Variants in TMEM244 observed in about 807,000 individuals in gnomAD.
TMEM244 encodes the protein transmembrane protein 244, also known as putative transmembrane protein 244.
In TMEM244, 13 loss-of-function variants were observed where a neutral mutation model predicts 15.8. The ratio of observed to expected loss-of-function variants is 0.82; its 90% CI spans 0.53 to 1.30. TMEM244 has a LOEUF of 1.30. Ranked by LOEUF, TMEM244 falls within the 50% of genes most tolerant of loss-of-function variation. TMEM244 has a pLI of 0.00. For synonymous variants in TMEM244, 45 were observed against 48.7 expected (o/e 0.92, Z 0.32); for missense variants, 161 against 144.9 (o/e 1.11, Z -0.57).
At chr6:129,845,148 C>T (rs1434338430) in intron 2 of TMEM244, among the ~76,000 whole-genome samples, 1 of 152,112 alleles carries the variant, frequency 6.6e-6, no homozygotes, top group East Asian at 1.9e-4. Flanking sequence ...TTCCATTTGA[C>T]AAATGAAGGC....
At position 129,831,371 on chromosome 6, in the gene TMEM244, G is replaced by C. The variant is rs1212672325; in HGVS notation, c.335C>G (p.Pro112Arg). 1 of 1,581,320 alleles carries C rather than the reference G, an allele frequency of 6.3e-7. No individual in the cohort carries two copies. ...AGCAGCCCACCAATGTGATGTCAAG[G>C]GGAATTCCAACATAACTGCAATAGA... ...AITSTVMLEF[P>R]LTSHWWAALG... Residue 112 changes from proline to arginine, a missense_variant, in exon 5 of 5, where the codon CCC becomes CGC. Pro to Arg is a moderately radical substitution (Grantham distance 103, BLOSUM62 -2). Coordinates refer to ENST00000368143, the MANE Select transcript of TMEM244 (RefSeq NM_001010876.2).
chr6:129,845,726 G>A (rs17475221), intron 2 of TMEM244, 41 bp downstream of exon 2: 9 of 1,405,010 alleles, frequency 6.4e-6, no homozygotes, highest in Non-Finnish European at 8.0e-6. Flanking sequence ...CCTATTCAAT[G>A]TTAGCTTTTT....
chr6:129,853,153 A>G lies in TMEM244; in HGVS notation c.34-7301T>C, dbSNP rs185170348. Among the ~76,000 whole-genome samples the G allele has an allele frequency of 2.6e-5, 4 of 152,346 alleles. No individual in the cohort carries two copies. In the East Asian group the frequency reaches 7.7e-4, roughly 29 times the overall value. ...CATCTCACAATATATTATCTTGTGT[A>G]TATAAGATCACCCGTGGGTCCTGTT... On this transcript the variant is annotated intron_variant, in intron 1 of 4. Transcript: ENST00000368143.
At chr6:129,856,074 ATTAT>A (rs1376078522) in intron 1 of TMEM244, among the ~76,000 whole-genome samples, 1 of 151,860 alleles carries the variant, frequency 6.6e-6, no homozygotes, top group African/African-American at 2.4e-5. Context: ...TTATGTATTT[ATTAT>A]TTATTCATTT....
Position 129,845,697 on chromosome 6 carries a change from G to A in TMEM244, c.119+70C>T, listed in dbSNP as rs561944279. On this transcript the variant is annotated intron_variant, in intron 2 of 4. Coordinates refer to ENST00000368143, the MANE Select transcript of TMEM244 (RefSeq NM_001010876.2). The stretch of plus-strand genomic sequence containing the variant: ...TCTAATCCATAAAGACATATGAAAT[G>A]TTAAATATAAACATCTTTCCTATTC... 3.3e-5 allele frequency: 37 copies of A among 1,122,630 alleles called. No homozygotes were observed. In the African/African-American group the frequency reaches 5.6e-4, roughly 17 times the overall value. The allele number at this position is 1,122,630 out of a possible 1,614,324, so 69.5% of individuals were successfully genotyped here. A position where few individuals can be genotyped will look rare whatever the true frequency, so the allele number is the denominator to read the frequency against.
At chr6:129,845,132 G>A (rs1351524120) in intron 2 of TMEM244, among the ~76,000 whole-genome samples, 5 of 152,022 alleles carry the variant, frequency 3.3e-5, no homozygotes, top group Admixed American at 6.5e-5. Flanking sequence ...ACTCTTTTTT[G>A]GATGATTCCA....
chr6:129,839,503 C>T (rs564218922), intron 3 of TMEM244, among the ~76,000 whole-genome samples: 19 of 152,320 alleles, frequency 1.2e-4, no homozygotes, highest in Non-Finnish European at 2.5e-4. Context: ...GAAGCATTCC[C>T]TTTGAAAACT....
At chr6:129,835,146 AGC>A (rs1338345723) in intron 3 of TMEM244, among the ~76,000 whole-genome samples, 2 of 152,208 alleles carry the variant, frequency 1.3e-5, no homozygotes, top group Admixed American at 6.5e-5. Flanking sequence ...CTGTAATTCC[AGC>A]ACTTTGGGAG....
At position 129,832,598 on chromosome 6, in the gene TMEM244, G is replaced by A. The variant is rs543996015; in HGVS notation, c.319+862C>T. On this transcript the variant is annotated intron_variant, in intron 4 of 4. Coordinates refer to ENST00000368143, the MANE Select transcript of TMEM244 (RefSeq NM_001010876.2). ...ATGAGTACATTTTGAGTGGATAGGTGAACAAATGGATGAAATATTCATTTA... is the reference window on the plus strand; with the variant it reads ...ATGAGTACATTTTGAGTGGATAGGTAAACAAATGGATGAAATATTCATTTA... Among the ~76,000 whole-genome samples the A allele has an allele frequency of 5.3e-5, 8 of 152,236 alleles. No homozygotes were observed. The South Asian group carries it at 6.2e-4, about 12-fold the overall frequency.
intron 1 of TMEM244, among the ~76,000 whole-genome samples, chr6:129,856,089 A>G (rs1021447433): frequency 6.6e-6 from 1 of 151,724 alleles, no homozygotes; most frequent in Non-Finnish European, 1.5e-5. Flanking sequence ...TTATTCATTT[A>G]TTTTTTATAA....
chr6:129,833,837 G>C (rs1776364373), intron 3 of TMEM244, among the ~76,000 whole-genome samples: 1 of 151,986 alleles, frequency 6.6e-6, no homozygotes, highest in Admixed American at 6.6e-5. Context: ...TAACATTTTA[G>C]AAGTGAAATA....
intron 1 of TMEM244, among the ~76,000 whole-genome samples, chr6:129,859,417 G>A (rs1024814035): frequency 5.9e-5 from 9 of 152,216 alleles, no homozygotes; most frequent in Non-Finnish European, 8.8e-5. Flanking sequence ...CAAAGGCTCC[G>A]TCCTACTGGT....
chr6:129,861,113 G>C, intron 1 of TMEM244, 43 bp downstream of exon 1: 1 of 1,609,316 alleles, frequency 6.2e-7, no homozygotes, highest in Non-Finnish European at 8.5e-7. Context: ...ACCAGTGCTA[G>C]GCAGCAACTG....
At chr6:129,848,164 C>T (rs1168383917) in intron 1 of TMEM244, among the ~76,000 whole-genome samples, 1 of 152,194 alleles carries the variant, frequency 6.6e-6, no homozygotes, top group African/African-American at 2.4e-5. Flanking sequence ...CCATGCTCCT[C>T]ATTCTCTCCC....
chr6:129,839,768 A>T (rs1228058963), intron 3 of TMEM244, among the ~76,000 whole-genome samples: 7 of 152,244 alleles, frequency 4.6e-5, no homozygotes, highest in Non-Finnish European at 7.3e-5. Flanking sequence ...AATCACAAGC[A>T]TTCCTATACA....
intron 3 of TMEM244, among the ~76,000 whole-genome samples, chr6:129,835,036 A>T (rs932536121): frequency 2.0e-5 from 3 of 152,182 alleles, no homozygotes; most frequent in Admixed American, 6.5e-5. Context: ...GCATGACTTA[A>T]AGGAAGTAAT....
chr6:129,859,814 G>A (rs1279029544), intron 1 of TMEM244, among the ~76,000 whole-genome samples: 8 of 152,292 alleles, frequency 5.3e-5, no homozygotes, highest in East Asian at 1.9e-4. Context: ...TGTTTGTTGA[G>A]TATTCGAGTT....
At chr6:129,833,059 G>A (rs1480553943) in intron 4 of TMEM244, among the ~76,000 whole-genome samples, 1 of 152,042 alleles carries the variant, frequency 6.6e-6, no homozygotes, top group Non-Finnish European at 1.5e-5. Context: ...ATGATGCAGG[G>A]AAAACCAGGG....
At chr6:129,848,062 C>A (rs559451868) in intron 1 of TMEM244, among the ~76,000 whole-genome samples, 11 of 152,254 alleles carry the variant, frequency 7.2e-5, no homozygotes, top group African/African-American at 2.6e-4. Flanking sequence ...GCATGAGCCA[C>A]TCCGCACCTG....
Sources: gnomAD v4.1 joint callset for allele counts (sites outside exome capture counted in the v4.1 genomes callset) on GRCh38, gnomAD v4.1.1 for gene constraint, MANE v1.5 for transcripts, NCBI Gene and HGNC (gene_info 2026-07-23, HGNC 2026-07-21) for gene names.